The following ATXN10 variants were observed in gnomAD, a reference collection of about 807,000 sequenced individuals.
ATXN10 encodes ataxin-10.
A neutral mutation model predicts 52.9 loss-of-function variants in ATXN10; 28 were observed. The ratio of observed to expected loss-of-function variants is 0.53; its 90% CI spans 0.39 to 0.73. The LOEUF (loss-of-function observed/expected upper bound fraction) is 0.73, where lower values mean the gene tolerates loss of function less well. ATXN10 is among the 30% of genes least tolerant of loss of function. The pLI, the probability that ATXN10 is intolerant of heterozygous loss-of-function variation, is 0.00. For synonymous variants in ATXN10, 226 were observed against 221.5 expected (o/e 1.02, Z -0.18); for missense variants, 565 against 577.0 (o/e 0.98, Z 0.21).
In ATXN10 at chr22:45,823,056, A is replaced by C; in HGVS notation, c.1237+16034A>C. 1 of 388,060 alleles carries C rather than the reference A, an allele frequency of 2.6e-6. No individual in the cohort carries two copies. The highest frequency in any genetic ancestry group is 5.3e-6 in the Non-Finnish European group (1 of 187,338). The allele number at this position is 388,060 out of a possible 1,614,324, so 24.0% of individuals were successfully genotyped here. A position where few individuals can be genotyped will look rare whatever the true frequency, so the allele number is the denominator to read the frequency against. ...CTCATGGTGTCTTATTATTTCATTG[A>C]GGTATAACTTAAATAGAGTAAACTG... On this transcript the variant is annotated intron_variant, in intron 10 of 11. Transcript: ENST00000252934. The surrounding 1 kb of genome is among the most constrained non-coding windows in gnomAD (Gnocchi z 4.9).
At chr22:45,807,955 A>G (rs1928156731) in intron 10 of ATXN10, among the ~76,000 whole-genome samples, 1 of 152,232 alleles carries the variant, frequency 6.6e-6, no homozygotes, top group Non-Finnish European at 1.5e-5. Flanking sequence ...GCAGCTGATG[A>G]AAATCATGTG....
intron 1 of ATXN10, among the ~76,000 whole-genome samples, chr22:45,687,355 T>C (rs1021606291): frequency 1.3e-5 from 2 of 152,206 alleles, no homozygotes; most frequent in African/African-American, 4.8e-5. Context: ...ATACCAATTT[T>C]GAGTAAAACA....
At chr22:45,814,311 A>G (rs1928386425) in intron 10 of ATXN10, among the ~76,000 whole-genome samples, 1 of 152,356 alleles carries the variant, frequency 6.6e-6, no homozygotes, top group East Asian at 1.9e-4. Flanking sequence ...ATGACTCAAG[A>G]CTTGCATGCC....
At chr22:45,829,127 G>C (rs1928908611) in intron 10 of ATXN10, among the ~76,000 whole-genome samples, 1 of 152,144 alleles carries the variant, frequency 6.6e-6, no homozygotes, top group Admixed American at 6.5e-5. Context: ...AGAAACACAT[G>C]ATCAATTCAG....
rs575733294 is a variant in ATXN10 at position 45,699,503 on chromosome 22, T to C, written c.392-779T>C. ...TCTTTTTCTTTCCTTTTTTTTTTTT[T>C]TTTTTTGAGACAGGGTCTGGGTCTG... is the stretch of plus-strand genomic sequence containing the variant. On this transcript the variant is annotated intron_variant, in intron 3 of 11. Transcript: ENST00000252934. 2.7e-5 allele frequency among the ~76,000 whole-genome samples: 4 copies of C among 147,078 alleles called. No individual in the cohort carries two copies. In the East Asian group the frequency reaches 7.8e-4, roughly 29 times the overall value.
intron 3 of ATXN10, among the ~76,000 whole-genome samples, 196 bp downstream of exon 3, chr22:45,693,274 C>A (rs1923456832): frequency 6.6e-6 from 1 of 152,168 alleles, no homozygotes; most frequent in African/African-American, 2.4e-5. Context: ...GTTCCTTTCA[C>A]ATTTGTATGT....
rs1020252512 is a variant in ATXN10 at position 45,754,174 on chromosome 22, C to T, written c.1173+13636C>T. 1.9e-4 allele frequency among the ~76,000 whole-genome samples: 29 copies of T among 152,358 alleles called. No homozygotes were observed. The highest frequency in any genetic ancestry group is 6.7e-4 in the African/African-American group (28 of 41,588). ...GCAGGAGCTGCTGAGAGACGACCCA[C>T]GGAGGTGGGCTCCAGCAGCTTGGCA... On this transcript the variant is annotated intron_variant, in intron 9 of 11. Coordinates refer to ENST00000252934, the MANE Select transcript of ATXN10 (RefSeq NM_013236.4). This position sits in a 1 kb window ranked among gnomAD's most constrained non-coding sequence, Gnocchi z 5.4.
chr22:45,726,734 C>G (rs994922685), intron 6 of ATXN10, among the ~76,000 whole-genome samples: 1 of 152,160 alleles, frequency 6.6e-6, no homozygotes, highest in East Asian at 1.9e-4. Flanking sequence ...GTCACCTAGG[C>G]TGGTGTGCAG....
In ATXN10 at chr22:45,727,101, T is replaced by A. The variant is rs1181109577; in HGVS notation, c.729-2324T>A. Among the ~76,000 whole-genome samples, 1 of 152,230 alleles carries A rather than the reference T, an allele frequency of 6.6e-6. No homozygotes were observed. The highest frequency in any genetic ancestry group is 1.9e-4 in the East Asian group (1 of 5,204). On this transcript the variant is annotated intron_variant, in intron 6 of 11. Transcript: ENST00000252934. This position sits in a 1 kb window ranked among gnomAD's most constrained non-coding sequence, Gnocchi z 4.6. ...ACTTTCCTTTTAGCACTGCTTTTGC[T>A]GTATCCCAGAAGTTTTGATAAATTA... is the stretch of plus-strand genomic sequence containing the variant.
In ATXN10 at chr22:45,728,882, G is replaced by A. The variant is rs1372985938; in HGVS notation, c.729-543G>A. On this transcript the variant is annotated intron_variant, in intron 6 of 11. Coordinates refer to ENST00000252934, the MANE Select transcript of ATXN10 (RefSeq NM_013236.4). This position sits in a 1 kb window ranked among gnomAD's most constrained non-coding sequence, Gnocchi z 4.3. ...TACCAAATGAGTGGTTAAAGCACCTGGCTCAGGGCACAGATTGAATCCTAG... is the reference window on the plus strand; with the variant it reads ...TACCAAATGAGTGGTTAAAGCACCTAGCTCAGGGCACAGATTGAATCCTAG... Among the ~76,000 whole-genome samples, 1 of 152,142 alleles carries A rather than the reference G, an allele frequency of 6.6e-6. No individual in the cohort carries two copies. The highest frequency in any genetic ancestry group is 6.5e-5 in the Admixed American group (1 of 15,278).
rs1157191831 is a variant in ATXN10 at position 45,842,530 on chromosome 22, C to T, written c.1238-461C>T. On this transcript the variant is annotated intron_variant, in intron 10 of 11. Coordinates refer to ENST00000252934, the MANE Select transcript of ATXN10 (RefSeq NM_013236.4). This position sits in a 1 kb window ranked among gnomAD's most constrained non-coding sequence, Gnocchi z 4.8. Reference sequence around the variant, plus strand: ...CTCCCATTAAAACAAGATGATTTTCCTGATTCTAACCTGACGTCTTTGTGA... The same window carrying T: ...CTCCCATTAAAACAAGATGATTTTCTTGATTCTAACCTGACGTCTTTGTGA... 6.6e-6 allele frequency among the ~76,000 whole-genome samples: 1 copy of T among 152,176 alleles called. No individual in the cohort carries two copies. The highest frequency in any genetic ancestry group is 1.5e-5 in the Non-Finnish European group (1 of 68,034).
At chr22:45,716,495 C>G (rs2146771726) in intron 5 of ATXN10, among the ~76,000 whole-genome samples, 1 of 151,796 alleles carries the variant, frequency 6.6e-6, no homozygotes, top group African/African-American at 2.4e-5. Flanking sequence ...ACCACCACAT[C>G]CAACTATTTT....
intron 10 of ATXN10, among the ~76,000 whole-genome samples, chr22:45,821,920 C>T (rs1418207674): frequency 1.3e-5 from 2 of 152,164 alleles, no homozygotes; most frequent in African/African-American, 2.4e-5. Flanking sequence ...ACACTCAGGT[C>T]GAGAGGCAAA....
chr22:45,736,958 C>T (rs1314317110), intron 7 of ATXN10, among the ~76,000 whole-genome samples: 1 of 152,082 alleles, frequency 6.6e-6, no homozygotes, highest in Non-Finnish European at 1.5e-5. Flanking sequence ...TTTCCCTAAC[C>T]AATTCTTAGG....
chr22:45,777,185 A>C (rs897807543), intron 9 of ATXN10, among the ~76,000 whole-genome samples: 1 of 152,230 alleles, frequency 6.6e-6, no homozygotes, highest in African/African-American at 2.4e-5. Context: ...GAGGTTTGTC[A>C]TACTTTGTTA....
intron 9 of ATXN10, among the ~76,000 whole-genome samples, chr22:45,797,366 T>G (rs1052385235): frequency 6.6e-6 from 1 of 152,216 alleles, no homozygotes; most frequent in East Asian, 1.9e-4. Context: ...TAGACTATAT[T>G]CTGTCTCTAC....
intron 9 of ATXN10, among the ~76,000 whole-genome samples, chr22:45,756,957 G>T (rs1048395665): frequency 2.0e-5 from 3 of 152,152 alleles, no homozygotes; most frequent in African/African-American, 7.2e-5. Context: ...ATTTCTCATC[G>T]TGTGAATCCC....
At chr22:45,674,847 G>C (rs1385883731) in intron 1 of ATXN10, 2 of 152,198 alleles carry the variant, frequency 1.3e-5, no homozygotes, top group African/African-American at 4.8e-5. Flanking sequence ...TAATGTAGTT[G>C]GTGGTCCTTC....
At chr22:45,788,907 C>T (rs1046772742) in intron 9 of ATXN10, among the ~76,000 whole-genome samples, 7 of 152,122 alleles carry the variant, frequency 4.6e-5, no homozygotes, top group Admixed American at 1.3e-4. Context: ...CCTCACCCTC[C>T]GAAAGCACTA....
Sources: gnomAD v4.1 joint callset for allele counts (sites outside exome capture counted in the v4.1 genomes callset) on GRCh38, gnomAD v4.1.1 for gene constraint, Gnocchi (gnomAD v3.1) non-coding constraint, MANE v1.5 for transcripts, NCBI Gene and HGNC (gene_info 2026-07-23, HGNC 2026-07-21) for gene names.